Variants in THTPA observed in about 807,000 individuals in gnomAD.
THTPA encodes thiamine-triphosphatase.
THTPA carries 16 observed loss-of-function variants against 16.5 expected under a neutral mutation model. That is an observed-to-expected ratio of 0.97 (90% confidence interval 0.66 to 1.47). THTPA has a LOEUF of 1.47. Among genes scored for constraint, THTPA ranks in the 40% most tolerant of loss-of-function variants. The pLI is 0.00. For missense variants in THTPA, 281 were observed against 280.9 expected, an observed-to-expected ratio of 1.00 and a Z score of 0.00; for synonymous variants, 110 against 115.5, an observed-to-expected ratio of 0.95 and a Z score of 0.30.
chr14:23,557,658 C>T (rs1882585522), intron 1 of THTPA, among the ~76,000 whole-genome samples: 1 of 152,152 alleles, frequency 6.6e-6, no homozygotes, highest in South Asian at 2.1e-4. Flanking sequence ...TGTCTAATTC[C>T]AGCCAACCTG....
chr14:23,519,162 G>C, the THTPA span, among the ~76,000 whole-genome samples: 1 of 151,880 alleles, frequency 6.6e-6, no homozygotes, highest in Non-Finnish European at 1.5e-5. Flanking sequence ...ACAAGAGGAG[G>C]GGGGATTTCT....
the THTPA span, chr14:23,533,535 G>A: frequency 6.5e-6 from 10 of 1,536,202 alleles, no homozygotes; most frequent in Middle Eastern, 1.7e-4. This position sits in a 1 kb window ranked among gnomAD's most constrained non-coding sequence, Gnocchi z 4.8. Flanking sequence ...GCAGCATTAG[G>A]ACATTCTGCA....
At chr14:23,549,231 C>T in the THTPA span, among the ~76,000 whole-genome samples, 2 of 152,124 alleles carry the variant, frequency 1.3e-5, no homozygotes, top group Admixed American at 6.5e-5. Context: ...CCCCTGCCCC[C>T]GAGTCCGCAT....
At chr14:23,521,848 T>C in the THTPA span, 2 of 1,476,616 alleles carry the variant, frequency 1.4e-6, no homozygotes, top group South Asian at 1.4e-5. Flanking sequence ...ACAGTTCCTG[T>C]GAGGTGGGCG....
chr14:23,523,469 T>C, the THTPA span: 17 of 1,536,018 alleles, frequency 1.1e-5, no homozygotes, highest in African/African-American at 2.7e-5. This position sits in a 1 kb window ranked among gnomAD's most constrained non-coding sequence, Gnocchi z 4.1. Flanking sequence ...GCAGGAGACA[T>C]AGAAATCATA....
chr14:23,518,157 A>C, the THTPA span, among the ~76,000 whole-genome samples: 2 of 151,832 alleles, frequency 1.3e-5, no homozygotes, highest in Non-Finnish European at 2.9e-5. This position sits in a 1 kb window ranked among gnomAD's most constrained non-coding sequence, Gnocchi z 4.5. Flanking sequence ...GCTGTTTCTG[A>C]GGGTGTGTTT....
At chr14:23,531,113 G>A in the THTPA span, 1 of 173,614 alleles carries the variant, frequency 5.8e-6, no homozygotes, top group South Asian at 1.9e-4. Context: ...CTCCTTCCAA[G>A]AAGCCCTGGC....
the THTPA span, chr14:23,538,133 T>C: frequency 1.3e-5 from 2 of 152,210 alleles, no homozygotes; most frequent in African/African-American, 4.8e-5. Flanking sequence ...ACATAGCTGA[T>C]TCCTAGCTAG....
the THTPA span, chr14:23,531,939 CT>C: frequency 9.3e-5 from 45 of 485,400 alleles, no homozygotes; most frequent in Admixed American, 5.1e-4. Flanking sequence ...CCACACCTGG[CT>C]AATTTTTGTA....
chr14:23,527,504 C>G, the THTPA span: 1 of 1,449,072 alleles, frequency 6.9e-7, no homozygotes, highest in Non-Finnish European at 9.3e-7. Context: ...GCCCCCTGCC[C>G]CCAACACATG....
chr14:23,538,684 C>A, the THTPA span, among the ~76,000 whole-genome samples: 74 of 152,216 alleles, frequency 4.9e-4, 1 homozygote, highest in Non-Finnish European at 5.3e-4. Flanking sequence ...CAAGGCGACC[C>A]CTGAAAGGCC....
chr14:23,534,873 T>C, the THTPA span: 1 of 1,536,096 alleles, frequency 6.5e-7, no homozygotes. This position sits in a 1 kb window ranked among gnomAD's most constrained non-coding sequence, Gnocchi z 4.5. Context: ...GACTGGGCTC[T>C]TCCTTGATGC....
At chr14:23,527,550 C>A in the THTPA span, 1 of 1,531,008 alleles carries the variant, frequency 6.5e-7, no homozygotes, top group Non-Finnish European at 8.8e-7. Context: ...TCCTCCCCTC[C>A]TGCACAGCCC....
the THTPA span, chr14:23,514,120 T>G: frequency 0.35 from 53,770 of 152,118 alleles, 12,557 homozygotes; most frequent in African/African-American, 0.67. Flanking sequence ...ACAGGGGAGG[T>G]TGACAGTGCC....
chr14:23,515,641 G>C, the THTPA span, among the ~76,000 whole-genome samples: 113 of 152,306 alleles, frequency 7.4e-4, no homozygotes, highest in African/African-American at 2.5e-3. Flanking sequence ...CAGTGACTGG[G>C]CAGATCTTTA....
chr14:23,522,257 A>C, the THTPA span: 7 of 1,484,042 alleles, frequency 4.7e-6, no homozygotes, highest in South Asian at 1.3e-5. Context: ...CCGCCCAAAG[A>C]AGCAGAAGGA....
the THTPA span, chr14:23,529,996 T>G: frequency 4.5e-6 from 5 of 1,104,192 alleles, no homozygotes; most frequent in Non-Finnish European, 6.6e-6. Context: ...TTCCCCCTGA[T>G]GAGCCCTTTC....
chr14:23,525,244 T>C, the THTPA span: 3 of 1,536,076 alleles, frequency 2.0e-6, no homozygotes, highest in Admixed American at 3.9e-5. The surrounding 1 kb of genome is among the most constrained non-coding windows in gnomAD (Gnocchi z 5.9). Context: ...GACTTCGCTC[T>C]TCAGGGGCAC....
the THTPA span, among the ~76,000 whole-genome samples, chr14:23,520,228 C>G: frequency 1.6e-3 from 248 of 152,242 alleles, no homozygotes; most frequent in African/African-American, 5.8e-3. The surrounding 1 kb of genome is among the most constrained non-coding windows in gnomAD (Gnocchi z 8.7). Flanking sequence ...CCCCATGAGT[C>G]TCATGGACGG....
Sources: allele counts gnomAD v4.1 joint callset (sites outside exome capture counted in the v4.1 genomes callset), GRCh38; gene constraint gnomAD v4.1.1; non-coding constraint Gnocchi (gnomAD v3.1); transcripts MANE v1.5; gene names NCBI Gene and HGNC (gene_info 2026-07-23, HGNC 2026-07-21).